The following TMEM40 variants were observed in gnomAD, a reference collection of about 807,000 sequenced individuals.
TMEM40 encodes the protein transmembrane protein 40.
Under a neutral mutation model 40.8 loss-of-function variants are expected in TMEM40, and 34 were observed. The observed-to-expected ratio is 0.83, with a 90% confidence interval of 0.63 to 1.11. The LOEUF is 1.11. Ranked by LOEUF, TMEM40 falls within the 50% of genes least tolerant of loss-of-function variation. TMEM40 has a pLI of 0.00. For synonymous variants in TMEM40, 106 were observed against 107.0 expected (o/e 0.99, Z 0.06); for missense variants, 296 against 280.2 (o/e 1.06, Z -0.40).
Position 12,742,625 on chromosome 3 carries a change from G to A in TMEM40, c.302-118C>T, listed in dbSNP as rs1031884093. 5 of 1,216,514 alleles carry A rather than the reference G, an allele frequency of 4.1e-6. No individual in the cohort carries two copies. The African/African-American group carries it at 4.5e-5, about 11-fold the overall frequency. 75.4% of individuals were successfully genotyped at this position (1,216,514 alleles called of 1,614,324 possible). A position where few individuals can be genotyped will look rare whatever the true frequency, so the allele number is the denominator to read the frequency against. On this transcript the variant is annotated intron_variant, in intron 4 of 11. Coordinates refer to ENST00000314124, the MANE Select transcript of TMEM40 (RefSeq NM_018306.4). ...ACAGTCCTTGTGCTGGAGGTGAGGT[G>A]GGGGGCAGTCTTCAGGAGGCAAGGC...
At chr3:12,758,310 A>T (rs2061544292) in intron 1 of TMEM40, among the ~76,000 whole-genome samples, 1 of 152,062 alleles carries the variant, frequency 6.6e-6, no homozygotes, top group Admixed American at 6.6e-5. Context: ...CACACTCCTG[A>T]CTCCTTAGTT....
At chr3:12,737,621 C>G in intron 8 of TMEM40, 86 bp downstream of exon 8, 1 of 1,279,992 alleles carries the variant, frequency 7.8e-7, no homozygotes, top group Non-Finnish European at 1.1e-6. Context: ...GCTATGATTA[C>G]TGCTGTGCTA....
upstream of TMEM40, among the ~76,000 whole-genome samples, chr3:12,761,899 C>CAT: frequency 6.6e-6 from 1 of 152,072 alleles, no homozygotes; most frequent in Non-Finnish European, 1.5e-5. Flanking sequence ...ATATATACAA[C>CAT]ATATATATGT....
chr3:12,755,237 T>TTCTTTCTC (rs2061516826), intron 1 of TMEM40, among the ~76,000 whole-genome samples: 3 of 46,560 alleles, frequency 6.4e-5, no homozygotes, highest in Non-Finnish European at 1.4e-4. Flanking sequence ...CTCTCTCTCT[T>TTCTTTCTC]TCTTTCTTTC....
chr3:12,748,340 G>C (rs2061445353), intron 3 of TMEM40, among the ~76,000 whole-genome samples: 1 of 152,158 alleles, frequency 6.6e-6, no homozygotes, highest in Admixed American at 6.6e-5. Context: ...AAACCTAAAT[G>C]TTACTTTACA....
At chr3:12,765,020 T>C (rs899772997) in intron 1 of TMEM40, among the ~76,000 whole-genome samples, 4 of 151,972 alleles carry the variant, frequency 2.6e-5, no homozygotes, top group Admixed American at 1.3e-4. Context: ...TACAGGCACC[T>C]GCCACCATGC....
chr3:12,740,941 C>A (rs1450750255), intron 5 of TMEM40, among the ~76,000 whole-genome samples: 2 of 152,114 alleles, frequency 1.3e-5, no homozygotes, highest in East Asian at 3.9e-4. Context: ...AAAGCATCTG[C>A]CCACATGGGC....
At chr3:12,737,453 G>C (rs2061346004) in intron 8 of TMEM40, 1 of 572,188 alleles carries the variant, frequency 1.7e-6, no homozygotes, top group Non-Finnish European at 3.1e-6. Flanking sequence ...CAGAGGACCA[G>C]GGCTCAAGCT....
chr3:12,741,871 G>A (rs1559526410), intron 5 of TMEM40, among the ~76,000 whole-genome samples: 1 of 152,134 alleles, frequency 6.6e-6, no homozygotes, highest in Non-Finnish European at 1.5e-5. Flanking sequence ...AAGGCCGGAG[G>A]ATCACTTGAG....
Position 12,748,689 on chromosome 3 carries a change from T to G in TMEM40, c.177A>C (p.Ser59=), listed in dbSNP as rs768201416. The G allele has an allele frequency of 2.5e-6, 4 of 1,612,836 alleles. No homozygotes were observed. Among genetic ancestry groups the G allele is most frequent in the East Asian group, 2.2e-5 (1 of 44,868 alleles). Reference sequence around the variant, plus strand: ...AGGAGGATGAAGAAGATGAGGAGGATGAGGAGGAAGAGGAGGAGGAGGAAG... The same window carrying G: ...AGGAGGATGAAGAAGATGAGGAGGAGGAGGAGGAAGAGGAGGAGGAGGAAG... The part of the protein sequence containing the change: ...KSSSSSSSSS[S]SSSSSSSSSS... Residue 59 remains serine, a synonymous_variant, in exon 3 of 12, where the codon TCA becomes TCC. Coordinates refer to ENST00000314124, the MANE Select transcript of TMEM40 (RefSeq NM_018306.4).
rs1373028614 is a variant in TMEM40, at chr3:12,755,229, C to CTTTCTTTCTTTCTT, written c.-9+3961_-9+3962insAAGAAAGAAAGAAA. Among the ~76,000 whole-genome samples, 149 of 65,488 alleles carry CTTTCTTTCTTTCTT rather than the reference C, an allele frequency of 2.3e-3. 1 individual carries two copies. Among genetic ancestry groups the CTTTCTTTCTTTCTT allele is most frequent in the African/African-American group, 8.2e-3 (127 of 15,452 alleles). The allele number at this position is 65,488 out of a possible 152,430, so 43.0% of individuals were successfully genotyped here. ...TTTCTTTCTTTCTCTCTCTCTCTCT[C>CTTTCTTTCTTTCTT]TCTCTCTTTCTTTCTTTCTTTCTTT... On this transcript the variant is annotated intron_variant, in intron 1 of 11. Transcript: ENST00000314124.
upstream of TMEM40, among the ~76,000 whole-genome samples, chr3:12,762,038 T>TA (rs1575748288): frequency 6.6e-6 from 1 of 152,106 alleles, no homozygotes; most frequent in East Asian, 1.9e-4. Context: ...CAATCATAGC[T>TA]CATGGTAACC....
Position 12,736,875 on chromosome 3 carries a change from C to G in TMEM40, c.473-40G>C. 3 of 1,613,446 alleles carry G rather than the reference C, an allele frequency of 1.9e-6. No individual in the cohort carries two copies. In the South Asian group the frequency reaches 3.3e-5, roughly 18 times the overall value. On this transcript the variant is annotated intron_variant, in intron 8 of 11. Coordinates refer to ENST00000314124, the MANE Select transcript of TMEM40 (RefSeq NM_018306.4). Reference sequence around the variant, plus strand: ...GTGGGCAATCACTATCTGCTGCTTTCTCTCTCTTTTTTTGGGCAGAGGAGA... The same window carrying G: ...GTGGGCAATCACTATCTGCTGCTTTGTCTCTCTTTTTTTGGGCAGAGGAGA...
intron 11 of TMEM40, 21 bp from the exon 12 acceptor site, chr3:12,734,814 G>A (rs2061326555): frequency 1.3e-6 from 2 of 1,595,654 alleles, no homozygotes; most frequent in African/African-American, 1.3e-5. Context: ...AAGACCACAG[G>A]ATGGCATGGG....
chr3:12,752,750 T>C (rs565489461), intron 1 of TMEM40, among the ~76,000 whole-genome samples: 4 of 151,810 alleles, frequency 2.6e-5, no homozygotes, highest in East Asian at 3.9e-4. Context: ...TGCCTCTGAA[T>C]TGAGATCGCG....
chr3:12,764,749 A>C (rs543947181), intron 1 of TMEM40, among the ~76,000 whole-genome samples: 69 of 152,332 alleles, frequency 4.5e-4, no homozygotes, highest in African/African-American at 1.6e-3. Context: ...GGCTCTCCTA[A>C]CCCTCAGATG....
At chr3:12,751,457 T>G (rs1400709999) in intron 1 of TMEM40, among the ~76,000 whole-genome samples, 3 of 151,834 alleles carry the variant, frequency 2.0e-5, no homozygotes, top group Admixed American at 6.6e-5. Flanking sequence ...TTTTTGTATT[T>G]TTAGTAGAGA....
At chr3:12,748,315 T>C (rs1290836019) in intron 3 of TMEM40, among the ~76,000 whole-genome samples, 1 of 152,220 alleles carries the variant, frequency 6.6e-6, no homozygotes, top group African/African-American at 2.4e-5. Flanking sequence ...ACTATGGCAC[T>C]GGGGTGCCTC....
chr3:12,734,551 C>A lies in TMEM40; in HGVS notation c.*223G>T. 1.8e-6 allele frequency: 1 copy of A among 556,964 alleles called. No individual in the cohort carries two copies. The highest frequency in any genetic ancestry group is 4.9e-4 in the Middle Eastern group (1 of 2,028). 34.5% of individuals were successfully genotyped at this position (556,964 alleles called of 1,614,324 possible). A position where few individuals can be genotyped will look rare whatever the true frequency, so the allele number is the denominator to read the frequency against. On this transcript the variant is annotated 3_prime_UTR_variant, in exon 12 of 12. Coordinates refer to ENST00000314124, the MANE Select transcript of TMEM40 (RefSeq NM_018306.4). Reference sequence around the variant, plus strand: ...CTCAGGCCCCACACCCACCCTCTGCCTTCCATCCTTGCAGCTGGGTTGCAC... The same window carrying A: ...CTCAGGCCCCACACCCACCCTCTGCATTCCATCCTTGCAGCTGGGTTGCAC...
Sources: allele counts gnomAD v4.1 joint callset (sites outside exome capture counted in the v4.1 genomes callset), GRCh38; gene constraint gnomAD v4.1.1; transcripts MANE v1.5; gene names NCBI Gene and HGNC (gene_info 2026-07-23, HGNC 2026-07-21).